Variants in GPBP1 observed in about 807,000 individuals in gnomAD.
GPBP1 encodes the protein vasculin.
GPBP1 carries 13 observed loss-of-function variants against 56.5 expected under a neutral mutation model. The ratio of observed to expected loss-of-function variants is 0.23; its 90% CI spans 0.15 to 0.37. The LOEUF is 0.37. Ranked by LOEUF, GPBP1 falls within the 10% of genes least tolerant of loss-of-function variation. GPBP1 has a pLI of 1.00. For missense variants in GPBP1, 477 were observed against 572.3 expected (o/e 0.83, Z 1.70); for synonymous variants, 204 against 188.9 (o/e 1.08, Z -0.66).
In GPBP1 at chr5:57,246,466, T is replaced by G. The variant is rs1221559744; in HGVS notation, c.645T>G (p.Pro215=). 6.3e-7 allele frequency: 1 copy of G among 1,596,680 alleles called. No homozygotes were observed. Among genetic ancestry groups the G allele is most frequent in the East Asian group, 2.2e-5 (1 of 44,736 alleles). The part of the protein sequence containing the change: ...PSVYKGLVPK[P]AAPPTKPTQW... ...TTTATAAAGGTTTAGTCCCTAAACC[T>G]GCTGCTCCACCTACAAAAGTAAGTT... The change falls in exon 7 of 12, where the codon CCT becomes CCG. Residue 215 remains proline, a synonymous_variant. Transcript: ENST00000506184.
Position 57,232,687 on chromosome 5 carries a change from A to G in GPBP1, c.411+1366A>G, listed in dbSNP as rs73127789. Among the ~76,000 whole-genome samples, 925 of 152,372 alleles carry G rather than the reference A, an allele frequency of 6.1e-3. 10 individuals are homozygous for G. Among genetic ancestry groups the G allele is most frequent in the African/African-American group, 0.021 (893 of 41,594 alleles). On this transcript the variant is annotated intron_variant, in intron 5 of 11. Coordinates refer to ENST00000506184, the MANE Select transcript of GPBP1 (RefSeq NM_022913.4). ...GTTCCAGCCAATAGAAACTGGACAC[A>G]GCAGTAAAGTAGATGCGTCAAGTTA...
In GPBP1 at chr5:57,261,229, T is replaced by C; in HGVS notation, c.1210T>C (p.Cys404Arg). Residue 404 changes from cysteine (C) to arginine (R), a missense_variant, in exon 11 of 12, where the codon TGT becomes CGT. By Grantham distance (180) the Cys-to-Arg change is radical. Transcript: ENST00000506184. ...WQEDSENDET[C>R]APLTEDEMRE... ...GGAAGACAGTGAAAATGATGAAACA[T>C]GTGCTCCCTTAACTGAGGATGAAAT... 1 of 1,613,338 alleles carries C rather than the reference T, an allele frequency of 6.2e-7. No individual in the cohort carries two copies. The highest frequency in any genetic ancestry group is 8.5e-7 in the Non-Finnish European group (1 of 1,179,352).
intron 2 of GPBP1, among the ~76,000 whole-genome samples, chr5:57,182,424 G>T (rs985742952): frequency 6.6e-6 from 1 of 151,952 alleles, no homozygotes; most frequent in African/African-American, 2.4e-5. Context: ...CCAGGCTGGG[G>T]TGCAGTGGTG....
intron 2 of GPBP1, among the ~76,000 whole-genome samples, chr5:57,187,003 AGTGTGT>A (rs66642664): frequency 0.011 from 1,593 of 146,758 alleles, 17 homozygotes; most frequent in East Asian, 0.038. Flanking sequence ...GACTCAGAGA[AGTGTGT>A]GTGTGTGTGT....
intron 3 of GPBP1, chr5:57,221,246 T>C: frequency 1.6e-6 from 1 of 610,850 alleles, no homozygotes; most frequent in Non-Finnish European, 2.8e-6. Flanking sequence ...ACACAGTCTT[T>C]TCATTTTCAT....
intron 6 of GPBP1, chr5:57,245,578 C>CT (rs1741052185): frequency 6.6e-6 from 1 of 152,192 alleles, no homozygotes; most frequent in Non-Finnish European, 1.5e-5. Context: ...AAAGACTTCA[C>CT]TGCAATGTCT....
At chr5:57,192,810 T>C (rs1481364355) in intron 2 of GPBP1, among the ~76,000 whole-genome samples, 2 of 151,226 alleles carry the variant, frequency 1.3e-5, no homozygotes, top group African/African-American at 4.9e-5. Flanking sequence ...CGAAGGCTAA[T>C]GTTTTGTGTT....
At chr5:57,174,579 C>T (rs879631873) in intron 1 of GPBP1, among the ~76,000 whole-genome samples, 1 of 152,160 alleles carries the variant, frequency 6.6e-6, no homozygotes. Context: ...TGCACCACTA[C>T]CCTTCTCAGG....
chr5:57,234,794 A>G (rs1230231798), intron 5 of GPBP1, among the ~76,000 whole-genome samples: 1 of 152,168 alleles, frequency 6.6e-6, no homozygotes, highest in Non-Finnish European at 1.5e-5. Flanking sequence ...AGAAATTCCC[A>G]GGTGACAGCC....
chr5:57,179,152 C>T (rs1369364486), intron 2 of GPBP1, among the ~76,000 whole-genome samples: 1 of 152,208 alleles, frequency 6.6e-6, no homozygotes, highest in African/African-American at 2.4e-5. Flanking sequence ...CATACTTACA[C>T]TGCCTTCTTG....
chr5:57,217,727 ACT>A (rs1182211840), intron 3 of GPBP1, among the ~76,000 whole-genome samples: 4 of 151,684 alleles, frequency 2.6e-5, no homozygotes, highest in African/African-American at 9.7e-5. Flanking sequence ...AAGCATATTG[ACT>A]CTCTTGGGTC....
chr5:57,198,814 C>T (rs538958210), intron 2 of GPBP1, among the ~76,000 whole-genome samples: 141 of 152,244 alleles, frequency 9.3e-4, no homozygotes, highest in African/African-American at 3.2e-3. Flanking sequence ...GAGACTGTCT[C>T]AAATATTTAT....
intron 2 of GPBP1, among the ~76,000 whole-genome samples, chr5:57,191,066 G>T (rs1340601403): frequency 6.6e-6 from 1 of 151,672 alleles, no homozygotes; most frequent in African/African-American, 2.4e-5. Flanking sequence ...GTGAGCCATT[G>T]TGCCTGGCTC....
intron 3 of GPBP1, among the ~76,000 whole-genome samples, chr5:57,222,111 G>A (rs967359398): frequency 6.6e-6 from 1 of 151,818 alleles, no homozygotes; most frequent in African/African-American, 2.4e-5. Context: ...AATCAGTGCT[G>A]GGATTATAGG....
intron 10 of GPBP1, among the ~76,000 whole-genome samples, chr5:57,252,440 G>A (rs1176471713): frequency 3.3e-5 from 5 of 152,050 alleles, no homozygotes; most frequent in Non-Finnish European, 5.9e-5. Context: ...ACCCAGGCCG[G>A]AGTGCAGTGG....
intron 6 of GPBP1, among the ~76,000 whole-genome samples, chr5:57,241,915 A>G (rs575650821): frequency 1.8e-4 from 28 of 152,290 alleles, no homozygotes; most frequent in African/African-American, 6.0e-4. Context: ...TTCCTAGGAG[A>G]ATTTGTGGAG....
chr5:57,196,659 CAG>C (rs1754759733), intron 2 of GPBP1, among the ~76,000 whole-genome samples: 1 of 151,972 alleles, frequency 6.6e-6, no homozygotes, highest in Non-Finnish European at 1.5e-5. Flanking sequence ...GTGGAACAAT[CAG>C]GGCTCACTGC....
intron 2 of GPBP1, among the ~76,000 whole-genome samples, chr5:57,190,722 T>TC (rs1181397736): frequency 4.0e-5 from 5 of 126,580 alleles, no homozygotes; most frequent in Non-Finnish European, 6.5e-5. Context: ...TTTTTTTTTT[T>TC]CCTGAGACAA....
At chr5:57,225,139 A>G (rs936515565) in intron 3 of GPBP1, among the ~76,000 whole-genome samples, 15 of 152,146 alleles carry the variant, frequency 9.9e-5, no homozygotes, top group Non-Finnish European at 1.8e-4. Context: ...AAGAAATACA[A>G]TAGGACTAAA....
Sources: gnomAD v4.1 joint callset for allele counts (sites outside exome capture counted in the v4.1 genomes callset) on GRCh38, gnomAD v4.1.1 for gene constraint, MANE v1.5 for transcripts, NCBI Gene and HGNC (gene_info 2026-07-23, HGNC 2026-07-21) for gene names.